The following NAALADL2 variants were observed in gnomAD, a reference collection of about 807,000 sequenced individuals.
NAALADL2 encodes inactive N-acetylated-alpha-linked acidic dipeptidase-like protein 2.
Under a neutral mutation model 87.2 loss-of-function variants are expected in NAALADL2, and 76 were observed. The observed-to-expected ratio is 0.87, with a 90% CI of 0.72 to 1.05. The LOEUF (loss-of-function observed/expected upper bound fraction) is 1.05. Among genes scored for constraint, NAALADL2 ranks in the 50% least tolerant of loss-of-function variants. The probability of loss-of-function intolerance (pLI) is 0.00; values close to 1 mark genes in which losing one functional copy is unlikely to be tolerated. For missense variants in NAALADL2, 1,089 were observed against 945.8 expected (o/e 1.15, Z -1.99); for synonymous variants, 354 against 331.0 (o/e 1.07, Z -0.75).
intron 11 of NAALADL2, among the ~76,000 whole-genome samples, chr3:175,648,280 C>T (rs542777708): frequency 3.9e-5 from 6 of 152,044 alleles, no homozygotes; most frequent in Admixed American, 3.9e-4. Context: ...AAGAAATGGG[C>T]ATAAAGTGCA....
Position 175,805,808 on chromosome 3 carries a change from C to G in NAALADL2, c.*2605C>G, listed in dbSNP as rs1754655976. On this transcript the variant is annotated 3_prime_UTR_variant, in exon 14 of 14. Transcript: ENST00000454872. ...AAGGTGTAACGGTGAAATTTATGTT[C>G]AGGCAGGGTACACATGAGATACTGC... 6.6e-6 allele frequency: 1 copy of G among 151,788 alleles called. No homozygotes were observed. The highest frequency in any genetic ancestry group is 1.5e-5 in the Non-Finnish European group (1 of 67,856). The allele number at this position is 151,788 out of a possible 1,614,324, so 9.4% of individuals were successfully genotyped here. A position where few individuals can be genotyped will look rare whatever the true frequency, so the allele number is the denominator to read the frequency against.
At chr3:175,053,274 G>A (rs929937621) in intron 1 of NAALADL2, among the ~76,000 whole-genome samples, 1 of 152,186 alleles carries the variant, frequency 6.6e-6, no homozygotes, top group African/African-American at 2.4e-5. Context: ...GTCAGCCTTT[G>A]TTGTAGGAAT....
intron 8 of NAALADL2, among the ~76,000 whole-genome samples, chr3:175,467,481 A>C (rs1199151094): frequency 6.6e-6 from 1 of 152,152 alleles, no homozygotes; most frequent in Non-Finnish European, 1.5e-5. Context: ...ACAGGATGAC[A>C]GGCACTGGAC....
intron 2 of NAALADL2, among the ~76,000 whole-genome samples, chr3:175,122,464 C>T (rs892229321): frequency 1.3e-5 from 2 of 151,716 alleles, no homozygotes; most frequent in African/African-American, 2.4e-5. Context: ...TGTAATGAGA[C>T]ATTAAATATT....
rs187894164 is a variant in NAALADL2 at position 174,946,370 on chromosome 3, G to A, written c.43+86920G>A. Among the ~76,000 whole-genome samples the A allele has an allele frequency of 7.4e-4, 113 of 152,204 alleles. 1 individual carries two copies. Among genetic ancestry groups the A allele is most frequent in the Non-Finnish European group, 1.4e-3 (92 of 67,990 alleles). On this transcript the variant is annotated intron_variant, in intron 1 of 13. Transcript: ENST00000454872. ...TATGGTAAAGATGGCAGATTTTGGAGTCACGCTACCTAGACTTGAATCCTG... is the reference window on the plus strand; with the variant it reads ...TATGGTAAAGATGGCAGATTTTGGAATCACGCTACCTAGACTTGAATCCTG...
chr3:174,870,178 C>T (rs1727644853), intron 1 of NAALADL2, among the ~76,000 whole-genome samples: 1 of 152,070 alleles, frequency 6.6e-6, no homozygotes, highest in East Asian at 1.9e-4. Context: ...AATATTTATT[C>T]TCCATTGTGT....
intron 5 of NAALADL2, among the ~76,000 whole-genome samples, chr3:175,358,807 G>A (rs1369318951): frequency 2.0e-5 from 3 of 152,044 alleles, no homozygotes; most frequent in Admixed American, 2.0e-4. Context: ...GAAGATTTGA[G>A]CACAATGCAA....
At chr3:174,941,393 G>A (rs567984765) in intron 1 of NAALADL2, among the ~76,000 whole-genome samples, 146 of 152,164 alleles carry the variant, frequency 9.6e-4, no homozygotes, top group Middle Eastern at 3.4e-3. Flanking sequence ...TTTTACATTT[G>A]CTGTGGATTG....
At chr3:174,541,216 A>T (rs1478014171) in intron 1 of NAALADL2, among the ~76,000 whole-genome samples, 2 of 152,222 alleles carry the variant, frequency 1.3e-5, no homozygotes, top group African/African-American at 4.8e-5. Context: ...ATTATGCCAC[A>T]CTTCACATTC....
intron 3 of NAALADL2, among the ~76,000 whole-genome samples, chr3:174,819,741 G>GAA (rs995423896): frequency 4.0e-5 from 6 of 151,686 alleles, no homozygotes; most frequent in Non-Finnish European, 8.8e-5. Flanking sequence ...GAAAAGCACA[G>GAA]AAAATAGTTA....
At chr3:175,277,974 TATCTC>T (rs1271666347) in intron 4 of NAALADL2, among the ~76,000 whole-genome samples, 1 of 152,102 alleles carries the variant, frequency 6.6e-6, no homozygotes, top group African/African-American at 2.4e-5. Flanking sequence ...CCTTAATAAA[TATCTC>T]AGTTTATAAT....
At chr3:174,899,364 A>G (rs1453232280) in intron 1 of NAALADL2, among the ~76,000 whole-genome samples, 2 of 152,144 alleles carry the variant, frequency 1.3e-5, no homozygotes, top group Non-Finnish European at 2.9e-5. Context: ...CATAATCCCC[A>G]GTGTTATAGG....
Position 174,948,143 on chromosome 3 carries a change from C to A in NAALADL2, c.43+88693C>A, listed in dbSNP as rs147567714. On this transcript the variant is annotated intron_variant, in intron 1 of 13. Transcript: ENST00000454872. The stretch of plus-strand genomic sequence containing the variant: ...GGGCATTCTTACACATAAATATATT[C>A]ATGGAGGCCCATATAGAACTTATTT... 4.0e-3 allele frequency among the ~76,000 whole-genome samples: 600 copies of A among 150,204 alleles called. 2 individuals are homozygous for A. Among genetic ancestry groups the A allele is most frequent in the Non-Finnish European group, 6.6e-3 (445 of 67,924 alleles).
intron 3 of NAALADL2, among the ~76,000 whole-genome samples, chr3:174,822,121 G>C (rs919400663): frequency 1.3e-5 from 2 of 151,850 alleles, no homozygotes; most frequent in Non-Finnish European, 2.9e-5. Context: ...AGTGAGGTGA[G>C]TTAAACTAGG....
In NAALADL2 at chr3:175,792,325, T is replaced by C. The variant is rs554558675; in HGVS notation, c.2190-10680T>C. Among the ~76,000 whole-genome samples the C allele has an allele frequency of 3.9e-4, 59 of 152,028 alleles. 1 individual carries two copies. The South Asian group carries it at 0.012, about 31-fold the overall frequency. On this transcript the variant is annotated intron_variant, in intron 13 of 13. Coordinates refer to ENST00000454872, the MANE Select transcript of NAALADL2 (RefSeq NM_207015.3). ...AAATATTAAATGTGATGTTTCTAGTTTTTGTAATTAACATTAAATCATTCT... is the reference window on the plus strand; with the variant it reads ...AAATATTAAATGTGATGTTTCTAGTCTTTGTAATTAACATTAAATCATTCT...
At chr3:174,692,161 TATGTATGGCAGCTGTAACCTTACCAA>T (rs1024815357) in intron 2 of NAALADL2, 3 of 152,206 alleles carry the variant, frequency 2.0e-5, no homozygotes, top group African/African-American at 7.2e-5. Context: ...GAGGAATCAC[TATGTATGGCAGCTGTAACCTTACCAA>T]ATGTATTTCT....
chr3:174,476,860 A>G (rs1284810324), intron 1 of NAALADL2, among the ~76,000 whole-genome samples: 2 of 152,082 alleles, frequency 1.3e-5, no homozygotes, highest in Non-Finnish European at 2.9e-5. Flanking sequence ...TGTGCAACAA[A>G]TCAAAGTATT....
chr3:175,762,192 A>ATTTTTTTTTTTTTTTTTTTTTTTT (rs55668165), intron 13 of NAALADL2, among the ~76,000 whole-genome samples: 1 of 114,168 alleles, frequency 8.8e-6, no homozygotes, highest in Non-Finnish European at 1.7e-5. Flanking sequence ...CTGTGTTTCG[A>ATTTTTTTTTTTTTTTTTTTTTTTT]TTTTTTTTTT....
chr3:175,243,790 G>A (rs1207408663), intron 3 of NAALADL2, among the ~76,000 whole-genome samples: 1 of 152,058 alleles, frequency 6.6e-6, no homozygotes, highest in Non-Finnish European at 1.5e-5. Context: ...ATTGAAAGGG[G>A]CAGGGAATTT....
Sources: gnomAD v4.1 joint callset for allele counts (sites outside exome capture counted in the v4.1 genomes callset) on GRCh38, gnomAD v4.1.1 for gene constraint, MANE v1.5 for transcripts, NCBI Gene and HGNC (gene_info 2026-07-23, HGNC 2026-07-21) for gene names.